BLK: variants seen among roughly 807,000 people sequenced by gnomAD.
BLK encodes the protein BLK proto-oncogene, Src family tyrosine kinase.
Under a neutral mutation model 61.8 loss-of-function variants are expected in BLK, and 64 were observed. That is an observed-to-expected ratio of 1.03 (90% CI 0.85 to 1.27). The LOEUF (loss-of-function observed/expected upper bound fraction) is 1.27, where lower values mean the gene tolerates loss of function less well. Ranked by LOEUF, BLK falls within the 50% of genes most tolerant of loss-of-function variation. BLK has a pLI of 0.00. For synonymous variants in BLK, 351 were observed against 272.0 expected (o/e 1.29, Z -2.86); for missense variants, 853 against 660.5 (o/e 1.29, Z -3.19).
At chr8:11,506,612 C>T (rs896608087) in intron 1 of BLK, among the ~76,000 whole-genome samples, 1 of 152,208 alleles carries the variant, frequency 6.6e-6, no homozygotes, top group African/African-American at 2.4e-5. Flanking sequence ...ACTGACCTCT[C>T]AATTCAGGGT....
chr8:11,556,863 C>T, intron 9 of BLK, 26 bp downstream of exon 9: 2 of 1,611,830 alleles, frequency 1.2e-6, no homozygotes, highest in East Asian at 2.2e-5. Flanking sequence ...GAGCCGCATC[C>T]TCAGAGCGAG....
intron 1 of BLK, among the ~76,000 whole-genome samples, chr8:11,523,767 T>C (rs150318731): frequency 1.4e-3 from 218 of 151,630 alleles, no homozygotes; most frequent in African/African-American, 4.8e-3. Context: ...AATAAGTACA[T>C]GATAAAATCA....
chr8:11,563,153 G>C (rs747550256), intron 12 of BLK, 43 bp downstream of exon 12: 6 of 1,612,388 alleles, frequency 3.7e-6, no homozygotes, highest in Non-Finnish European at 2.5e-6. Flanking sequence ...TGCTTTCCCG[G>C]CCGGCCCTGA....
At chr8:11,545,089 C>T (rs1563110661) in intron 2 of BLK, among the ~76,000 whole-genome samples, 1 of 152,240 alleles carries the variant, frequency 6.6e-6, no homozygotes, top group African/African-American at 2.4e-5. Flanking sequence ...AAATCAACTA[C>T]ATCAAACAGC....
chr8:11,564,033 C>A lies in BLK; in HGVS notation c.1443C>A (p.Pro481=). Residue 481 remains proline (P), a synonymous_variant, in exon 13 of 13, where the codon CCC becomes CCA. Transcript: ENST00000259089. ...GGCGCAGCCGGCCCGAGGAGCGGCC[C>A]ACCTTCGAGTTCCTGCAGTCGGTGC... The part of the protein sequence containing the change: ...ECWRSRPEER[P]TFEFLQSVLE... 1 of 1,604,312 alleles carries A rather than the reference C, an allele frequency of 6.2e-7. No homozygotes were observed. Among genetic ancestry groups the A allele is most frequent in the Non-Finnish European group, 8.5e-7 (1 of 1,178,710 alleles).
At chr8:11,550,418 G>A (rs558981578) in intron 6 of BLK, among the ~76,000 whole-genome samples, 156 bp downstream of exon 6, 121 of 152,370 alleles carry the variant, frequency 7.9e-4, no homozygotes, top group African/African-American at 2.8e-3. Flanking sequence ...CTGCCCGGGA[G>A]TTGACATGGG....
chr8:11,562,455 G>C (rs373043825), intron 11 of BLK, among the ~76,000 whole-genome samples: 6 of 152,136 alleles, frequency 3.9e-5, no homozygotes, highest in African/African-American at 1.2e-4. Context: ...AAGCCCTGAG[G>C]TCTGCTCCAA....
At chr8:11,523,213 G>A (rs1251991923) in intron 1 of BLK, among the ~76,000 whole-genome samples, 1 of 152,186 alleles carries the variant, frequency 6.6e-6, no homozygotes, top group Non-Finnish European at 1.5e-5. Context: ...AGGTAGAAAT[G>A]ATAGCTTTTA....
chr8:11,548,242 C>G (rs531627243), intron 4 of BLK, 117 bp downstream of exon 4: 2 of 856,760 alleles, frequency 2.3e-6, no homozygotes, highest in East Asian at 2.6e-5. Flanking sequence ...CATCGCCCTG[C>G]CCCCAGCCCT....
At chr8:11,545,464 G>A (rs1263387789) in intron 2 of BLK, among the ~76,000 whole-genome samples, 2 of 152,140 alleles carry the variant, frequency 1.3e-5, no homozygotes, top group African/African-American at 2.4e-5. Context: ...CACGAGAATT[G>A]CTTGAACTGA....
chr8:11,561,590 C>A, intron 11 of BLK, 138 bp downstream of exon 11: 1 of 1,155,702 alleles, frequency 8.7e-7, no homozygotes, highest in Non-Finnish European at 1.3e-6. Context: ...TCTAGATCAG[C>A]ATTTCCTTCA....
At chr8:11,525,136 G>C (rs563261297) in intron 1 of BLK, among the ~76,000 whole-genome samples, 1 of 152,330 alleles carries the variant, frequency 6.6e-6, no homozygotes, top group African/African-American at 2.4e-5. Flanking sequence ...AGAGGGTTCT[G>C]TCACCTCTTT....
chr8:11,541,299 C>T (rs1413768658), intron 1 of BLK, among the ~76,000 whole-genome samples: 11 of 152,068 alleles, frequency 7.2e-5, no homozygotes, highest in Admixed American at 6.6e-4. Context: ...AAGAATCCAT[C>T]CATGTGCCAA....
intron 10 of BLK, chr8:11,560,567 A>G: frequency 3.3e-6 from 1 of 300,210 alleles, no homozygotes. Flanking sequence ...GATTGGGTGA[A>G]TAAAGCCTTA....
intron 1 of BLK, among the ~76,000 whole-genome samples, chr8:11,534,384 TAA>T: frequency 6.6e-6 from 1 of 152,340 alleles, no homozygotes; most frequent in South Asian, 2.1e-4. Context: ...TTTTAAAACA[TAA>T]ATTTACATGG....
intron 4 of BLK, 60 bp from the exon 5 acceptor site, chr8:11,548,964 T>G: frequency 6.9e-7 from 1 of 1,447,734 alleles, no homozygotes; most frequent in African/African-American, 1.4e-5. Context: ...GCCTGAGAGC[T>G]GCCCAGTGAC....
intron 1 of BLK, among the ~76,000 whole-genome samples, chr8:11,518,479 C>T (rs182806466): frequency 1.3e-5 from 2 of 152,236 alleles, no homozygotes; most frequent in East Asian, 3.9e-4. Context: ...GGGTGTCTCT[C>T]TCCCTTGCAC....
chr8:11,498,904 C>T (rs997151538), intron 1 of BLK, among the ~76,000 whole-genome samples: 5 of 152,228 alleles, frequency 3.3e-5, no homozygotes. Flanking sequence ...ATGTCAGAAC[C>T]ACCAGGGGGT....
chr8:11,521,508 C>G (rs750569630), intron 1 of BLK, among the ~76,000 whole-genome samples: 1 of 152,214 alleles, frequency 6.6e-6, no homozygotes, highest in Non-Finnish European at 1.5e-5. Context: ...TCAGGCTGGT[C>G]TCGAATTCCT....
Sources: allele counts gnomAD v4.1 joint callset (sites outside exome capture counted in the v4.1 genomes callset), GRCh38; gene constraint gnomAD v4.1.1; transcripts MANE v1.5; gene names NCBI Gene and HGNC (gene_info 2026-07-23, HGNC 2026-07-21).